PPP5C: variants seen among roughly 807,000 people sequenced by gnomAD.
The protein encoded by PPP5C is protein phosphatase 5 catalytic subunit.
PPP5C carries 21 observed loss-of-function variants against 66.7 expected under a neutral mutation model. The observed-to-expected ratio is 0.31, with a 90% CI of 0.22 to 0.45. The LOEUF (loss-of-function observed/expected upper bound fraction) is 0.45, where lower values mean the gene tolerates loss of function less well. PPP5C is among the 20% of genes least tolerant of loss of function. The pLI is 1.00. For synonymous variants in PPP5C, 246 were observed against 257.4 expected (o/e 0.96, Z 0.43); for missense variants, 464 against 675.9 (o/e 0.69, Z 3.48).
chr19:46,354,221 C>T (rs1972244709), intron 2 of PPP5C, among the ~76,000 whole-genome samples: 1 of 152,228 alleles, frequency 6.6e-6, no homozygotes, highest in Non-Finnish European at 1.5e-5. Flanking sequence ...CCTTCCTTTC[C>T]ATATCCGTGA....
Position 46,376,414 on chromosome 19 carries a change from G to A in PPP5C, c.512-39G>A, listed in dbSNP as rs755729670. 6.2e-7 allele frequency: 1 copy of A among 1,607,502 alleles called. No individual in the cohort carries two copies. The highest frequency in any genetic ancestry group is 1.7e-5 in the Admixed American group (1 of 59,764). On this transcript the variant is annotated intron_variant, in intron 3 of 12. Coordinates refer to ENST00000012443, the MANE Select transcript of PPP5C (RefSeq NM_006247.4). This position sits in a 1 kb window ranked among gnomAD's most constrained non-coding sequence, Gnocchi z 5.1. ...GACCCCCTTCTCCCTCATAGTGGCT[G>A]TGGTCACTGACTCTCGTGTCCCGTT...
intron 2 of PPP5C, among the ~76,000 whole-genome samples, chr19:46,369,044 AGT>A (rs1173591508): frequency 6.6e-6 from 1 of 152,222 alleles, no homozygotes; most frequent in African/African-American, 2.4e-5. Flanking sequence ...TTGGTAAGAC[AGT>A]GTGGAGTGAG....
At chr19:46,368,530 G>A (rs1425965819) in intron 2 of PPP5C, among the ~76,000 whole-genome samples, 1 of 152,166 alleles carries the variant, frequency 6.6e-6, no homozygotes, top group African/African-American at 2.4e-5. Context: ...AAAAATTAAT[G>A]AAATTTTTAT....
At chr19:46,351,120 G>C (rs1194508236) in intron 1 of PPP5C, among the ~76,000 whole-genome samples, 2 of 152,174 alleles carry the variant, frequency 1.3e-5, no homozygotes, top group African/African-American at 4.8e-5. Flanking sequence ...GAGGCTCCAG[G>C]TATAAGAGCT....
intron 2 of PPP5C, among the ~76,000 whole-genome samples, chr19:46,370,062 G>T (rs567615405): frequency 6.6e-6 from 1 of 152,118 alleles, no homozygotes; most frequent in East Asian, 1.9e-4. Flanking sequence ...GGACAGTAAT[G>T]TGTATGTCTG....
Position 46,388,576 on chromosome 19 carries a change from G to C in PPP5C, c.1200G>C (p.Arg400=). 9 of 1,614,114 alleles carry C rather than the reference G, an allele frequency of 5.6e-6. No individual in the cohort carries two copies. The highest frequency in any genetic ancestry group is 7.6e-6 in the Non-Finnish European group (9 of 1,179,988). ...AGAACGGGCGCTCGATCAGCAAGCG[G>C]GGCGTGAGCTGTCAGTTTGGGCCTG... ...QPQNGRSISK[R]GVSCQFGPDV... Residue 400 remains arginine (R), a synonymous_variant, in exon 11 of 13, where the codon CGG becomes CGC. Coordinates refer to ENST00000012443, the MANE Select transcript of PPP5C (RefSeq NM_006247.4). The surrounding 1 kb of genome is among the most constrained non-coding windows in gnomAD (Gnocchi z 4.9).
In PPP5C at chr19:46,380,179, G is replaced by A. The variant is rs182602985; in HGVS notation, c.634-3232G>A. Among the ~76,000 whole-genome samples the A allele has an allele frequency of 3.0e-3, 449 of 152,178 alleles. 2 individuals are homozygous for A. The highest frequency in any genetic ancestry group is 0.01 in the African/African-American group (418 of 41,520). ...TACTAAAAATACAAAAATTAGCCAG[G>A]CATGGTGGCACACACTTCTAATCCC... is the stretch of plus-strand genomic sequence containing the variant. On this transcript the variant is annotated intron_variant, in intron 4 of 12. Transcript: ENST00000012443.
chr19:46,389,411 A>AGTGTTGAGTAAGACTCCATCT, intron 11 of PPP5C, among the ~76,000 whole-genome samples: 1 of 43,684 alleles, frequency 2.3e-5, no homozygotes, highest in African/African-American at 7.4e-5. Context: ...ACACACACAC[A>AGTGTTGAGTAAGACTCCATCT]CACACACACA....
At chr19:46,372,565 C>T (rs573087978) in intron 2 of PPP5C, among the ~76,000 whole-genome samples, 6 of 152,304 alleles carry the variant, frequency 3.9e-5, no homozygotes, top group East Asian at 1.9e-4. Flanking sequence ...CCCAAATACA[C>T]GCAGCCCCCA....
chr19:46,375,454 C>G, intron 2 of PPP5C, 150 bp from the exon 3 acceptor site: 1 of 1,221,556 alleles, frequency 8.2e-7, no homozygotes, highest in Non-Finnish European at 1.1e-6. Context: ...CAAGGCTCGG[C>G]AGTTAAATAC....
intron 4 of PPP5C, among the ~76,000 whole-genome samples, chr19:46,378,768 C>T (rs1972739346): frequency 6.6e-6 from 1 of 152,196 alleles, no homozygotes; most frequent in Non-Finnish European, 1.5e-5. Context: ...TTAATATTTG[C>T]ATGCTATAAC....
At position 46,371,424 on chromosome 19, in the gene PPP5C, A is replaced by G. The variant is rs925755578; in HGVS notation, c.364-4180A>G. On this transcript the variant is annotated intron_variant, in intron 2 of 12. Transcript: ENST00000012443. ...GCCCAGGGTGTGACCTTCATGCAGTAATATAACTCATTTCATCTTCACGGC... is the reference window on the plus strand; with the variant it reads ...GCCCAGGGTGTGACCTTCATGCAGTGATATAACTCATTTCATCTTCACGGC... Among the ~76,000 whole-genome samples, 95 of 152,138 alleles carry G rather than the reference A, an allele frequency of 6.2e-4. 1 individual carries two copies. The highest frequency in any genetic ancestry group is 1.8e-4 in the Non-Finnish European group (12 of 68,020).
intron 2 of PPP5C, among the ~76,000 whole-genome samples, chr19:46,372,797 A>T (rs1267776507): frequency 6.6e-6 from 1 of 152,226 alleles, no homozygotes; most frequent in East Asian, 1.9e-4. Context: ...ACTGACCTTG[A>T]TACAATCCAA....
rs957712254 is a variant in PPP5C at position 46,390,944 on chromosome 19, G to C, written c.*598G>C. On this transcript the variant is annotated 3_prime_UTR_variant, in exon 13 of 13. Transcript: ENST00000012443. The stretch of plus-strand genomic sequence containing the variant: ...GAGGGTGGGGAGGCCGCAAAGTCCC[G>C]CTGGCCGGGCCCACCCAGCTCTGGG... 1 of 1,176,258 alleles carries C rather than the reference G, an allele frequency of 8.5e-7. No homozygotes were observed. The highest frequency in any genetic ancestry group is 1.1e-6 in the Non-Finnish European group (1 of 932,400). 72.9% of individuals were successfully genotyped at this position (1,176,258 alleles called of 1,614,324 possible).
intron 2 of PPP5C, among the ~76,000 whole-genome samples, chr19:46,370,908 T>A (rs1428678766): frequency 6.6e-6 from 1 of 152,142 alleles, no homozygotes; most frequent in East Asian, 1.9e-4. Context: ...GTCCAGCTAA[T>A]TTTTTATATT....
At position 46,362,596 on chromosome 19, in the gene PPP5C, T is replaced by A. The variant is rs538853965; in HGVS notation, c.363+8607T>A. Among the ~76,000 whole-genome samples, 16 of 152,166 alleles carry A rather than the reference T, an allele frequency of 1.1e-4. No homozygotes were observed. The South Asian group carries it at 3.3e-3, about 32-fold the overall frequency. Reference sequence around the variant, plus strand: ...TATTTATATGTATTTAATTTATTCATTTTTAGTGATTGTTGGGAAAATTTC... The same window carrying A: ...TATTTATATGTATTTAATTTATTCAATTTTAGTGATTGTTGGGAAAATTTC... On this transcript the variant is annotated intron_variant, in intron 2 of 12. Transcript: ENST00000012443.
At position 46,390,284 on chromosome 19, in the gene PPP5C, C is replaced by A; in HGVS notation, c.1438C>A (p.Pro480Thr). The change falls in exon 13 of 13, where the codon CCT (proline) becomes ACT (threonine). Residue 480 changes from proline (P) to threonine (T), a missense_variant and splice_region_variant. This residue lies in a region of PPP5C where 387 missense variants were observed against 626.0 expected (regional missense o/e 0.62). Coordinates refer to ENST00000012443, the MANE Select transcript of PPP5C (RefSeq NM_006247.4). ...RPQFHQFTAV[P>T]HPNVKPMAYA... ...CATCCCACCTGCCCTGGTCCCACAGCCTCATCCCAACGTCAAGCCCATGGC... is the reference window on the plus strand; with the variant it reads ...CATCCCACCTGCCCTGGTCCCACAGACTCATCCCAACGTCAAGCCCATGGC... 1 of 1,593,208 alleles carries A rather than the reference C, an allele frequency of 6.3e-7. No homozygotes were observed. Among genetic ancestry groups the A allele is most frequent in the Non-Finnish European group, 8.5e-7 (1 of 1,169,758 alleles).
At chr19:46,354,845 A>G (rs1172405718) in intron 2 of PPP5C, among the ~76,000 whole-genome samples, 1 of 150,764 alleles carries the variant, frequency 6.6e-6, no homozygotes, top group Admixed American at 6.6e-5. Flanking sequence ...AGCAGACAGG[A>G]TATGTGTGAT....
rs1972957660 is a variant in PPP5C, at chr19:46,389,367, ACACACACACACAC to A, written c.1355+637_1355+649del. Among the ~76,000 whole-genome samples, 20 of 2,178 alleles carry A rather than the reference ACACACACACACAC, an allele frequency of 9.2e-3. 1 individual carries two copies. The highest frequency in any genetic ancestry group is 0.013 in the African/African-American group (19 of 1,496). The allele number at this position is 2,178 out of a possible 152,430, so 1.4% of individuals were successfully genotyped here. A position where few individuals can be genotyped will look rare whatever the true frequency, so the allele number is the denominator to read the frequency against. The stretch of plus-strand genomic sequence containing the variant: ...AGAGTAAGACTCCATCTCAAAACAC[ACACACACACACAC>A]ACACACACACACACACACACACACA... On this transcript the variant is annotated intron_variant, in intron 11 of 12. Transcript: ENST00000012443.
Sources: allele counts gnomAD v4.1 joint callset (sites outside exome capture counted in the v4.1 genomes callset), GRCh38; gene constraint gnomAD v4.1.1; regional missense constraint gnomAD v4.1.1; non-coding constraint Gnocchi (gnomAD v3.1); transcripts MANE v1.5; gene names NCBI Gene and HGNC (gene_info 2026-07-23, HGNC 2026-07-21).